SLC34A3: variants seen among roughly 807,000 people sequenced by gnomAD.
SLC34A3 encodes solute carrier family 34 member 3.
In SLC34A3, 60 loss-of-function variants were observed where a neutral mutation model predicts 43.9. The observed-to-expected ratio is 1.37, with a 90% CI of 1.11 to 1.70. The LOEUF (loss-of-function observed/expected upper bound fraction) is 1.70. SLC34A3 is among the 40% of genes most tolerant of loss of function. The pLI is 0.00. For synonymous variants in SLC34A3, 451 were observed against 386.2 expected (o/e 1.17, Z -1.97); for missense variants, 969 against 823.8 (o/e 1.18, Z -2.16).
At chr9:137,235,184 G>C (rs945883569) in intron 12 of SLC34A3, among the ~76,000 whole-genome samples, 3 of 151,904 alleles carry the variant, frequency 2.0e-5, no homozygotes, top group Admixed American at 2.0e-4. Context: ...CCCTGCCGCT[G>C]CCAGGGCTGT....
rs752628608 is a variant in SLC34A3 at position 137,233,653 on chromosome 9, G to C, written c.777G>C (p.Met259Ile). The C allele has an allele frequency of 6.2e-6, 10 of 1,612,782 alleles. No individual in the cohort carries two copies. Among genetic ancestry groups the C allele is most frequent in the Non-Finnish European group, 8.5e-6 (10 of 1,179,932 alleles). ...LIVQLDSDMI[M>I]SSATGNATNS... is the part of the protein sequence containing the mutation. ...CCCAGTTGGACTCCGACATGATCATGAGCAGTGCCACAGGCAACGCCACTA... is the reference window on the plus strand; with the variant it reads ...CCCAGTTGGACTCCGACATGATCATCAGCAGTGCCACAGGCAACGCCACTA... The change falls in exon 8 of 13, where the codon ATG becomes ATC. Residue 259 changes from methionine (M) to isoleucine (I), a missense_variant. Transcript: ENST00000673835.
At chr9:137,235,927 C>G (rs764923498) in intron 12 of SLC34A3, 25 bp from the exon 13 acceptor site, 2 of 1,607,562 alleles carry the variant, frequency 1.2e-6, no homozygotes, top group Non-Finnish European at 1.7e-6. Context: ...TGGGCCCAGG[C>G]CCCTGACAGC....
At chr9:137,233,779 T>TTGGCCCCCC in intron 8 of SLC34A3, 57 bp downstream of exon 8, 18 of 1,445,678 alleles carry the variant, frequency 1.2e-5, no homozygotes, top group African/African-American at 1.5e-5. Context: ...TGCTGAGTCA[T>TTGGCCCCCC]CCCGCCCCAC....
upstream of SLC34A3, chr9:137,230,827 A>G (rs1352215414): frequency 6.6e-6 from 1 of 152,068 alleles, no homozygotes; most frequent in African/African-American, 2.4e-5. Flanking sequence ...CTGGGTAAAC[A>G]TTAATGGGCT....
At chr9:137,235,180 C>T (rs554842049) in intron 12 of SLC34A3, among the ~76,000 whole-genome samples, 65 of 152,182 alleles carry the variant, frequency 4.3e-4, no homozygotes, top group Middle Eastern at 3.4e-3. Context: ...CCTGCCCTGC[C>T]GCTGCCAGGG....
At position 137,232,663 on chromosome 9, in the gene SLC34A3, C is replaced by G; in HGVS notation, c.264C>G (p.Cys88Trp). 1 of 1,612,836 alleles carries G rather than the reference C, an allele frequency of 6.2e-7. No homozygotes were observed. Among genetic ancestry groups the G allele is most frequent in the Non-Finnish European group, 8.5e-7 (1 of 1,179,926 alleles). Residue 88 changes from cysteine to tryptophan, a missense_variant, in exon 4 of 13, where the codon TGC becomes TGG. Coordinates refer to ENST00000673835, the MANE Select transcript of SLC34A3 (RefSeq NM_001177316.2). ...TCGGCAGCCTGTACTTCTTCATCTG[C>G]TCTCTGGACGTCCTCAGCTCCGCCT... ...GLLGSLYFFI[C>W]SLDVLSSAFQ...
intron 8 of SLC34A3, 57 bp downstream of exon 8, chr9:137,233,779 T>TTGGGGCCCCCCCCCCCCCCCCCCCCCC: frequency 5.5e-6 from 8 of 1,445,628 alleles, no homozygotes; most frequent in Non-Finnish European, 4.8e-6. Flanking sequence ...TGCTGAGTCA[T>TTGGGGCCCCCCCCCCCCCCCCCCCCCC]CCCGCCCCAC....
chr9:137,232,266 G>T lies in SLC34A3; in HGVS notation c.175+105G>T. ...CCTGCCCAAACAGGCTGTGTGTGGG[G>T]AACTCCGCCATGCAGGCCCCCTCTG... On this transcript the variant is annotated intron_variant, in intron 3 of 12. Coordinates refer to ENST00000673835, the MANE Select transcript of SLC34A3 (RefSeq NM_001177316.2). 3 of 1,140,118 alleles carry T rather than the reference G, an allele frequency of 2.6e-6. 1 individual carries two copies. The highest frequency in any genetic ancestry group is 2.5e-5 in the South Asian group (2 of 78,988). 70.6% of individuals were successfully genotyped at this position (1,140,118 alleles called of 1,614,324 possible).
chr9:137,233,129 G>A lies in SLC34A3; in HGVS notation c.560+14G>A. On this transcript the variant is annotated intron_variant, in intron 6 of 12. Transcript: ENST00000673835. ...TGAATTTCAGAGGTGAGTTGTGGGT[G>A]GAAGGGCTGGGCTGGGGCTGCAGTG... 6.2e-7 allele frequency: 1 copy of A among 1,600,360 alleles called. No individual in the cohort carries two copies. Among genetic ancestry groups the A allele is most frequent in the East Asian group, 2.3e-5 (1 of 44,138 alleles).
At chr9:137,231,245 G>A (rs945582243) in intron 1 of SLC34A3, among the ~76,000 whole-genome samples, 4 of 152,142 alleles carry the variant, frequency 2.6e-5, no homozygotes, top group Admixed American at 6.5e-5. Flanking sequence ...TCACCAGGGC[G>A]TGGGGCCCTT....
In SLC34A3 at chr9:137,236,431, G is replaced by A. The variant is rs1018599380; in HGVS notation, c.*15G>A. ...AGCAGTTGTGACGGGCAGTTGCTGA[G>A]CAGACCGCCCCACCCTCCCCGGCTG... On this transcript the variant is annotated 3_prime_UTR_variant, in exon 13 of 13. Transcript: ENST00000673835. The A allele has an allele frequency of 2.4e-5, 37 of 1,533,306 alleles. No individual in the cohort carries two copies. Among genetic ancestry groups the A allele is most frequent in the Middle Eastern group, 1.7e-4 (1 of 5,904 alleles). The allele number at this position is 1,533,306 out of a possible 1,614,324, so 95.0% of individuals were successfully genotyped here. A position where few individuals can be genotyped will look rare whatever the true frequency, so the allele number is the denominator to read the frequency against.
Position 137,236,153 on chromosome 9 carries a change from G to C in SLC34A3, c.1537G>C (p.Glu513Gln), listed in dbSNP as rs754376083. Reference sequence around the variant, plus strand: ...CGGGCTCTCCCTGGCAGGGGGCATGGAGCTGGCCGCTGTCGGGGGTCCCCT... The same window carrying C: ...CGGGCTCTCCCTGGCAGGGGGCATGCAGCTGGCCGCTGTCGGGGGTCCCCT... ...AFGLSLAGGM[E>Q]LAAVGGPLVG... Residue 513 changes from glutamate (E) to glutamine (Q), a missense_variant, in exon 13 of 13, where the codon GAG (glutamate) becomes CAG (glutamine). Physicochemically the swap from Glu to Gln is conservative, Grantham distance 29. Coordinates refer to ENST00000673835, the MANE Select transcript of SLC34A3 (RefSeq NM_001177316.2). 14 of 1,609,990 alleles carry C rather than the reference G, an allele frequency of 8.7e-6. No individual in the cohort carries two copies. Among genetic ancestry groups the C allele is most frequent in the Non-Finnish European group, 1.2e-5 (14 of 1,179,018 alleles).
chr9:137,233,016 G>T lies in SLC34A3; in HGVS notation c.461G>T (p.Arg154Leu), dbSNP rs748257761. 1.2e-6 allele frequency: 2 copies of T among 1,611,736 alleles called. No homozygotes were observed. Among genetic ancestry groups the T allele is most frequent in the Non-Finnish European group, 1.7e-6 (2 of 1,179,754 alleles). Reference protein sequence around the residue: ...SMVAAKLLTVRVSVPIIMGVN... With the variant: ...SMVAAKLLTVLVSVPIIMGVN... ...CCCCCACCAGCAGTGCTGACTGTCC[G>T]GGTGTCTGTGCCCATCATCATGGGT... The change falls in exon 6 of 13, where the codon CGG (arginine) becomes CTG (leucine). Residue 154 changes from arginine to leucine, a missense_variant. Physicochemically the swap from Arg to Leu is moderately radical, Grantham distance 102. Transcript: ENST00000673835.
rs926476050 is a variant in SLC34A3 at position 137,236,488 on chromosome 9, C to T, written c.*72C>T. ...CTCTGGAGGGCCCTGGAGGGGGGGT[C>T]CCCGCGGCAGCTGACCTCCGGTCAC... On this transcript the variant is annotated 3_prime_UTR_variant, in exon 13 of 13. Coordinates refer to ENST00000673835, the MANE Select transcript of SLC34A3 (RefSeq NM_001177316.2). 20 of 1,333,126 alleles carry T rather than the reference C, an allele frequency of 1.5e-5. No homozygotes were observed. The highest frequency in any genetic ancestry group is 2.9e-5 in the African/African-American group (2 of 68,798). 82.6% of individuals were successfully genotyped at this position (1,333,126 alleles called of 1,614,324 possible).
upstream of SLC34A3, chr9:137,230,638 C>G (rs968575026): frequency 1.1e-4 from 17 of 152,314 alleles, no homozygotes; most frequent in African/African-American, 3.1e-4. Flanking sequence ...TGCCCAGTAC[C>G]GAGGGCCGGT....
rs121918234 is a variant in SLC34A3 at position 137,234,241 on chromosome 9, G to T, written c.1058G>T (p.Arg353Leu). ...VKLLNSVLRG[R>L]VAQVVRTVIN... ...CTGCTCAACTCTGTGCTGCGCGGCC[G>T]CGTGGCCCAGGTCGTGAGGACAGTC... The change falls in exon 10 of 13, where the codon CGC (arginine) becomes CTC (leucine). Residue 353 changes from arginine (R) to leucine (L), a missense_variant. Transcript: ENST00000673835. This position sits in a 1 kb window ranked among gnomAD's most constrained non-coding sequence, Gnocchi z 6.9. The T allele has an allele frequency of 1.5e-5, 24 of 1,610,260 alleles. No homozygotes were observed. The highest frequency in any genetic ancestry group is 1.6e-4 in the Middle Eastern group (1 of 6,082).
At chr9:137,232,474 T>C (rs1836277828) in intron 3 of SLC34A3, 101 bp from the exon 4 acceptor site, 12 of 1,514,804 alleles carry the variant, frequency 7.9e-6, no homozygotes, top group African/African-American at 1.4e-5. Flanking sequence ...GACCCAGCCC[T>C]GTTGGAGACA....
chr9:137,235,829 C>T (rs1360593246), intron 12 of SLC34A3, 123 bp from the exon 13 acceptor site: 29 of 885,136 alleles, frequency 3.3e-5, no homozygotes, highest in South Asian at 1.6e-4. Flanking sequence ...CCATCTCATC[C>T]GTGAAGCAGG....
Position 137,232,179 on chromosome 9 carries a change from G to C in SLC34A3, c.175+18G>C, listed in dbSNP as rs546668671. On this transcript the variant is annotated intron_variant, in intron 3 of 12. Transcript: ENST00000673835. The stretch of plus-strand genomic sequence containing the variant: ...CTGGAAAGGTGGGTCTGGAGGTTCC[G>C]GGGGTGGCAGGCTGGCAGGCCTCTG... 5 of 1,609,192 alleles carry C rather than the reference G, an allele frequency of 3.1e-6. No individual in the cohort carries two copies. In the South Asian group the frequency reaches 4.4e-5, roughly 14 times the overall value.
Sources: gnomAD v4.1 joint callset for allele counts (sites outside exome capture counted in the v4.1 genomes callset) on GRCh38, gnomAD v4.1.1 for gene constraint, Gnocchi (gnomAD v3.1) non-coding constraint, MANE v1.5 for transcripts, NCBI Gene and HGNC (gene_info 2026-07-23, HGNC 2026-07-21) for gene names.